ATP2A2: variants seen among roughly 807,000 people sequenced by gnomAD.
ATP2A2 encodes the protein ATPase sarcoplasmic/endoplasmic reticulum Ca2+ transporting 2.
Under a neutral mutation model 109.3 loss-of-function variants are expected in ATP2A2, and 14 were observed. The observed-to-expected ratio is 0.13, with a 90% confidence interval of 0.08 to 0.20. ATP2A2 has a LOEUF of 0.20. ATP2A2 is among the 10% of genes least tolerant of loss of function. The pLI is 1.00. For synonymous variants in ATP2A2, 506 were observed against 490.9 expected, an observed-to-expected ratio of 1.03 and a Z score of -0.41; for missense variants, 657 against 1,321.6, an observed-to-expected ratio of 0.50 and a Z score of 7.80.
intron 3 of ATP2A2, among the ~76,000 whole-genome samples, chr12:110,290,784 C>T (rs1187615854): frequency 6.6e-6 from 1 of 151,390 alleles, no homozygotes; most frequent in Admixed American, 6.6e-5. Context: ...TTTTGTGTTT[C>T]TAGTAGAGGT....
chr12:110,308,799 A>G (rs1024068267), intron 5 of ATP2A2, among the ~76,000 whole-genome samples: 8 of 152,224 alleles, frequency 5.3e-5, no homozygotes, highest in Non-Finnish European at 2.9e-5. Flanking sequence ...ATTAAATGGC[A>G]TAAATTGTGC....
Position 110,349,218 on chromosome 12 carries a change from T to C in ATP2A2, c.*2748T>C. ...AGCATCTCCTCCTCAGGTCAACCCATAAAGACCAGGTCCAGCACCGTGGTC... is the reference window on the plus strand; with the variant it reads ...AGCATCTCCTCCTCAGGTCAACCCACAAAGACCAGGTCCAGCACCGTGGTC... On this transcript the variant is annotated 3_prime_UTR_variant, in exon 20 of 20. Coordinates refer to ENST00000539276, the MANE Select transcript of ATP2A2 (RefSeq NM_170665.4). 1 of 985,510 alleles carries C rather than the reference T, an allele frequency of 1.0e-6. No homozygotes were observed. Among genetic ancestry groups the C allele is most frequent in the Non-Finnish European group, 1.2e-6 (1 of 829,998 alleles). 61.0% of individuals were successfully genotyped at this position (985,510 alleles called of 1,614,324 possible).
chr12:110,285,935 T>TA (rs939549188), intron 3 of ATP2A2, among the ~76,000 whole-genome samples: 1 of 149,264 alleles, frequency 6.7e-6, no homozygotes, highest in South Asian at 2.1e-4. Flanking sequence ...TTTTTTTTTT[T>TA]AAATGTAGAT....
rs142360878 is a variant in ATP2A2, at chr12:110,297,205, C to T, written c.463+468C>T. On this transcript the variant is annotated intron_variant, in intron 5 of 19. Coordinates refer to ENST00000539276, the MANE Select transcript of ATP2A2 (RefSeq NM_170665.4). ...CTGTAATCCCAGCACTTTGGGATGC[C>T]GAGGCAGGCAGATCACGAGGTCAAG... Among the ~76,000 whole-genome samples, 1,058 of 151,968 alleles carry T rather than the reference C, an allele frequency of 7.0e-3. 1 individual carries two copies. The highest frequency in any genetic ancestry group is 9.5e-3 in the Non-Finnish European group (649 of 67,966).
intron 8 of ATP2A2, among the ~76,000 whole-genome samples, chr12:110,328,725 C>T (rs1878049128): frequency 6.6e-6 from 1 of 152,096 alleles, no homozygotes; most frequent in Non-Finnish European, 1.5e-5. Flanking sequence ...GCCACCATGC[C>T]CCACTAGTTT....
chr12:110,282,283 C>T (rs962310371), intron 1 of ATP2A2, among the ~76,000 whole-genome samples: 13 of 152,220 alleles, frequency 8.5e-5, no homozygotes, highest in African/African-American at 2.9e-4. Context: ...CCGTTCTTGT[C>T]CTACCCAAAG....
At chr12:110,308,776 C>T (rs535498457) in intron 5 of ATP2A2, among the ~76,000 whole-genome samples, 7 of 152,218 alleles carry the variant, frequency 4.6e-5, no homozygotes, top group African/African-American at 9.6e-5. Context: ...GTACTATTTG[C>T]GTAGCCTGAA....
In ATP2A2 at chr12:110,339,760, G is replaced by C; in HGVS notation, c.1761+39G>C. On this transcript the variant is annotated intron_variant, in intron 13 of 19. Coordinates refer to ENST00000539276, the MANE Select transcript of ATP2A2 (RefSeq NM_170665.4). The surrounding 1 kb of genome is among the most constrained non-coding windows in gnomAD (Gnocchi z 4.4). ...AAGTTTCTTTGTCCACACCCTGCAC[G>C]ATTCATTGTGTTTAAACAGTACTCC... The C allele has an allele frequency of 6.3e-7, 1 of 1,591,732 alleles. No individual in the cohort carries two copies. The highest frequency in any genetic ancestry group is 8.6e-7 in the Non-Finnish European group (1 of 1,161,150).
intron 3 of ATP2A2, among the ~76,000 whole-genome samples, chr12:110,290,206 G>A (rs1048386820): frequency 1.3e-5 from 2 of 152,156 alleles, no homozygotes; most frequent in African/African-American, 2.4e-5. Flanking sequence ...CTGGTTTTTT[G>A]TTTCTTTTAT....
At chr12:110,320,834 T>C (rs1877163957) in intron 5 of ATP2A2, among the ~76,000 whole-genome samples, 1 of 152,228 alleles carries the variant, frequency 6.6e-6, no homozygotes, top group African/African-American at 2.4e-5. Context: ...ACTTAGGCTA[T>C]AGCATTGTTT....
At chr12:110,300,232 G>T (rs1224065780) in intron 5 of ATP2A2, among the ~76,000 whole-genome samples, 30 of 117,608 alleles carry the variant, frequency 2.6e-4, no homozygotes, top group African/African-American at 9.6e-4. Flanking sequence ...TTGCTCTCTT[G>T]TCCAGGCTAC....
intron 5 of ATP2A2, among the ~76,000 whole-genome samples, chr12:110,301,910 T>C (rs1423262108): frequency 2.6e-5 from 4 of 152,334 alleles, no homozygotes; most frequent in Non-Finnish European, 5.9e-5. Flanking sequence ...TTATAGAGTT[T>C]ATTAATTTGC....
intron 3 of ATP2A2, among the ~76,000 whole-genome samples, chr12:110,286,679 A>T (rs2137685277): frequency 6.6e-6 from 1 of 150,952 alleles, no homozygotes; most frequent in South Asian, 2.1e-4. Flanking sequence ...CGAAATGTTT[A>T]ATTTCCATTT....
chr12:110,340,168 T>C lies in ATP2A2; in HGVS notation c.1761+447T>C, dbSNP rs1372232166. On this transcript the variant is annotated intron_variant, in intron 13 of 19. Transcript: ENST00000539276. The surrounding 1 kb of genome is among the most constrained non-coding windows in gnomAD (Gnocchi z 6.0). ...GAACAAAATGAAGAAGCTTTGGTAC[T>C]GTGGGCTCAGAATAGCACAAGAGTT... 6.6e-6 allele frequency among the ~76,000 whole-genome samples: 1 copy of C among 152,230 alleles called. No individual in the cohort carries two copies. Among genetic ancestry groups the C allele is most frequent in the Non-Finnish European group, 1.5e-5 (1 of 68,044 alleles).
intron 5 of ATP2A2, among the ~76,000 whole-genome samples, chr12:110,299,834 G>A (rs1384427940): frequency 6.6e-6 from 1 of 152,108 alleles, no homozygotes; most frequent in East Asian, 1.9e-4. Context: ...TGTTGCTCAG[G>A]CTTGTCTCTC....
At chr12:110,310,882 T>A (rs1458665334) in intron 5 of ATP2A2, among the ~76,000 whole-genome samples, 3 of 152,348 alleles carry the variant, frequency 2.0e-5, no homozygotes, top group Middle Eastern at 3.4e-3. Context: ...TAGTAGCAGG[T>A]ATAAACTGCT....
In ATP2A2 at chr12:110,309,140, A is replaced by ATTTTTTTTTTTTTTTTTTTTTTTTTT. The variant is rs10665212; in HGVS notation, c.463+12413_463+12438dup. On this transcript the variant is annotated intron_variant, in intron 5 of 19. Transcript: ENST00000539276. ...ATGGAGAGAGAGTTTAAGGAAACTA[A>ATTTTTTTTTTTTTTTTTTTTTTTTTT]TTTTTTTTTTTTTTTTTTTTTTTTT... 1.6e-4 allele frequency among the ~76,000 whole-genome samples: 8 copies of ATTTTTTTTTTTTTTTTTTTTTTTTTT among 48,900 alleles called. 1 individual carries two copies. Among genetic ancestry groups the ATTTTTTTTTTTTTTTTTTTTTTTTTT allele is most frequent in the Non-Finnish European group, 2.5e-4 (7 of 28,424 alleles). 32.1% of individuals were successfully genotyped at this position (48,900 alleles called of 152,430 possible). A position where few individuals can be genotyped will look rare whatever the true frequency, so the allele number is the denominator to read the frequency against.
chr12:110,344,449 C>T (rs1038286553), intron 16 of ATP2A2, among the ~76,000 whole-genome samples: 3 of 152,174 alleles, frequency 2.0e-5, no homozygotes, highest in Non-Finnish European at 4.4e-5. Flanking sequence ...TGCTGGGCCT[C>T]TAATGGAGCA....
At position 110,349,808 on chromosome 12, in the gene ATP2A2, C is replaced by T. The variant is rs554990239; in HGVS notation, c.*3338C>T. 2 of 1,023,668 alleles carry T rather than the reference C, an allele frequency of 2.0e-6. No individual in the cohort carries two copies. Among genetic ancestry groups the T allele is most frequent in the African/African-American group, 1.7e-5 (1 of 58,768 alleles). 63.4% of individuals were successfully genotyped at this position (1,023,668 alleles called of 1,614,324 possible). A position where few individuals can be genotyped will look rare whatever the true frequency, so the allele number is the denominator to read the frequency against. On this transcript the variant is annotated 3_prime_UTR_variant, in exon 20 of 20. Transcript: ENST00000539276. The stretch of plus-strand genomic sequence containing the variant: ...AGTTAGCAAGAAGGGTAGGCTTCAC[C>T]CTCCTTTACTGAGGAGAATGATGCG...
Sources: gnomAD v4.1 joint callset for allele counts (sites outside exome capture counted in the v4.1 genomes callset) on GRCh38, gnomAD v4.1.1 for gene constraint, Gnocchi (gnomAD v3.1) non-coding constraint, MANE v1.5 for transcripts, NCBI Gene and HGNC (gene_info 2026-07-23, HGNC 2026-07-21) for gene names.